The following MARCHF1 variants were observed in gnomAD, a reference collection of about 807,000 sequenced individuals.
MARCHF1 encodes E3 ubiquitin-protein ligase MARCHF1.
A neutral mutation model predicts 54.2 loss-of-function variants in MARCHF1; 40 were observed. The ratio of observed to expected loss-of-function variants is 0.74; its 90% confidence interval spans 0.57 to 0.96. The LOEUF (loss-of-function observed/expected upper bound fraction) is 0.96, where lower values mean the gene tolerates loss of function less well. MARCHF1 is among the 40% of genes least tolerant of loss of function. The pLI, the probability that MARCHF1 is intolerant of heterozygous loss-of-function variation, is 0.00. For synonymous variants in MARCHF1, 236 were observed against 236.3 expected (o/e 1.00, Z 0.01); for missense variants, 586 against 656.5 (o/e 0.89, Z 1.17).
intron 1 of MARCHF1, among the ~76,000 whole-genome samples, chr4:164,349,668 A>G (rs567541236): frequency 4.4e-4 from 67 of 152,220 alleles, no homozygotes; most frequent in Non-Finnish European, 5.0e-4. Flanking sequence ...CTTGAATATC[A>G]TAATCAAAAT....
chr4:164,224,446 CT>C (rs1732196772), intron 1 of MARCHF1, among the ~76,000 whole-genome samples: 1 of 151,788 alleles, frequency 6.6e-6, no homozygotes, highest in Non-Finnish European at 1.5e-5. Flanking sequence ...TAAATCTTCT[CT>C]TTTTTAAAAA....
intron 3 of MARCHF1, among the ~76,000 whole-genome samples, chr4:163,862,118 A>T (rs958883174): frequency 2.4e-4 from 37 of 152,238 alleles, no homozygotes; most frequent in African/African-American, 8.2e-4. Context: ...CTCTACAAAG[A>T]AACAGAAAAT....
chr4:164,348,552 A>G (rs1289808846), intron 1 of MARCHF1, among the ~76,000 whole-genome samples: 1 of 152,204 alleles, frequency 6.6e-6, no homozygotes, highest in Non-Finnish European at 1.5e-5. Flanking sequence ...GGCAGAGAAC[A>G]TACTGATATT....
At chr4:164,301,847 G>C (rs568481339) in intron 1 of MARCHF1, among the ~76,000 whole-genome samples, 1 of 152,254 alleles carries the variant, frequency 6.6e-6, no homozygotes, top group South Asian at 2.1e-4. Flanking sequence ...CTTTGACAGA[G>C]GAATTAAAGC....
chr4:163,798,538 T>C (rs1272895234), intron 4 of MARCHF1, among the ~76,000 whole-genome samples: 1 of 152,132 alleles, frequency 6.6e-6, no homozygotes, highest in Non-Finnish European at 1.5e-5. Flanking sequence ...ATGTGTTATG[T>C]CTCCATTAGG....
intron 2 of MARCHF1, among the ~76,000 whole-genome samples, chr4:164,057,205 C>G (rs11941185): frequency 0.028 from 4,264 of 152,222 alleles, 179 homozygotes; most frequent in African/African-American, 0.096. Context: ...CTTGCTCATA[C>G]TTTTTTATAA....
intron 1 of MARCHF1, among the ~76,000 whole-genome samples, chr4:164,364,007 T>A (rs1730803214): frequency 6.6e-6 from 1 of 152,068 alleles, no homozygotes; most frequent in Non-Finnish European, 1.5e-5. Flanking sequence ...AACATTAATT[T>A]TTTGTCGTCC....
intron 1 of MARCHF1, among the ~76,000 whole-genome samples, chr4:164,322,637 T>C (rs1450178122): frequency 6.6e-6 from 1 of 152,090 alleles, no homozygotes; most frequent in Non-Finnish European, 1.5e-5. Flanking sequence ...TTCATGATGT[T>C]CTTGTTTTAC....
intron 1 of MARCHF1, among the ~76,000 whole-genome samples, chr4:164,140,238 A>T (rs986012744): frequency 2.1e-5 from 1 of 47,736 alleles, no homozygotes; most frequent in East Asian, 3.6e-4. Context: ...ATACACACAC[A>T]CTATATATAT....
intron 3 of MARCHF1, among the ~76,000 whole-genome samples, chr4:163,981,362 C>T (rs189066728): frequency 1.4e-4 from 21 of 152,264 alleles, no homozygotes; most frequent in African/African-American, 5.1e-4. Flanking sequence ...GGCTGAAAGC[C>T]AAAAGTCAGA....
At chr4:164,219,772 A>C (rs541485597) in intron 1 of MARCHF1, among the ~76,000 whole-genome samples, 280 of 152,146 alleles carry the variant, frequency 1.8e-3, no homozygotes, top group African/African-American at 6.3e-3. Context: ...AAACTTATAA[A>C]AAGGACGAAA....
At chr4:164,060,951 A>T (rs568304261) in intron 2 of MARCHF1, among the ~76,000 whole-genome samples, 53 of 152,294 alleles carry the variant, frequency 3.5e-4, no homozygotes, top group Middle Eastern at 6.8e-3. Context: ...ATAAGGCTAG[A>T]GGGTGGTCTT....
At chr4:164,031,419 T>C (rs912165750) in intron 2 of MARCHF1, among the ~76,000 whole-genome samples, 6 of 116,020 alleles carry the variant, frequency 5.2e-5, no homozygotes, top group African/African-American at 1.6e-4. Flanking sequence ...GTATCTATTA[T>C]ATTATTTTTT....
chr4:163,987,573 A>T (rs1752893904), intron 3 of MARCHF1, among the ~76,000 whole-genome samples: 1 of 152,136 alleles, frequency 6.6e-6, no homozygotes, highest in Admixed American at 6.5e-5. Context: ...TTGAGGGAAA[A>T]AAAAGGTTAA....
chr4:164,306,306 T>C (rs1325271422), intron 1 of MARCHF1, among the ~76,000 whole-genome samples: 2 of 152,126 alleles, frequency 1.3e-5, no homozygotes, highest in East Asian at 3.9e-4. Flanking sequence ...TTCTTTACCT[T>C]TTATTAGAAT....
At chr4:163,967,558 G>A (rs768665509) in intron 3 of MARCHF1, among the ~76,000 whole-genome samples, 1 of 152,040 alleles carries the variant, frequency 6.6e-6, no homozygotes, top group Non-Finnish European at 1.5e-5. Context: ...CCAGTTTCTC[G>A]GGTTCCCTTT....
intron 5 of MARCHF1, 122 bp downstream of exon 5, chr4:163,700,691 C>T: frequency 1.4e-6 from 1 of 732,232 alleles, no homozygotes. Flanking sequence ...GAGTTAAAAC[C>T]ATGAACAAAT....
intron 8 of MARCHF1, among the ~76,000 whole-genome samples, chr4:163,573,542 TATGAGTGAGA>T (rs1228857077): frequency 6.9e-6 from 1 of 143,936 alleles, no homozygotes; most frequent in Non-Finnish European, 1.5e-5. Flanking sequence ...AGTTCCCACC[TATGAGTGAGA>T]ATACGCGGTG....
intron 1 of MARCHF1, chr4:164,196,860 G>A (rs1731275797): frequency 2.1e-6 from 2 of 963,842 alleles, no homozygotes; most frequent in Non-Finnish European, 1.6e-6. Context: ...CATTCCCACA[G>A]CAATGTTACA....
Sources: allele counts gnomAD v4.1 joint callset (sites outside exome capture counted in the v4.1 genomes callset), GRCh38; gene constraint gnomAD v4.1.1; transcripts MANE v1.5; gene names NCBI Gene and HGNC (gene_info 2026-07-23, HGNC 2026-07-21).